USP22: variants seen among roughly 807,000 people sequenced by gnomAD.
The protein encoded by USP22 is ubiquitin carboxyl-terminal hydrolase 22.
Under a neutral mutation model 68.1 loss-of-function variants are expected in USP22, and 22 were observed. The ratio of observed to expected loss-of-function variants is 0.32; its 90% CI spans 0.23 to 0.46. The LOEUF is 0.46. Among genes scored for constraint, USP22 ranks in the 20% least tolerant of loss-of-function variants. The pLI is 1.00. For synonymous variants in USP22, 279 were observed against 274.2 expected, an observed-to-expected ratio of 1.02 and a Z score of -0.17; for missense variants, 433 against 695.8, an observed-to-expected ratio of 0.62 and a Z score of 4.25.
At chr17:21,029,099 A>C (rs1972258003) in intron 1 of USP22, among the ~76,000 whole-genome samples, 1 of 152,220 alleles carries the variant, frequency 6.6e-6, no homozygotes, top group African/African-American at 2.4e-5. Context: ...AACAAGAAAA[A>C]GGGAGGGAGA....
intron 8 of USP22, 81 bp downstream of exon 8, chr17:21,011,043 TGCCCAGGCTCTGTCCTGGGCATGTGAA>T (rs1189613171): frequency 2.1e-6 from 3 of 1,422,966 alleles, no homozygotes; most frequent in African/African-American, 1.5e-5. Flanking sequence ...GCTGCACCTT[TGCCCAGGCTCTGTCCTGGGCATGTGAA>T]AGAGCCCTGC....
chr17:21,011,399 TC>T, intron 7 of USP22, 90 bp from the exon 8 acceptor site: 1 of 1,477,908 alleles, frequency 6.8e-7, no homozygotes, highest in Non-Finnish European at 9.2e-7. Context: ...CCACATCCCT[TC>T]CCCGCTGTGC....
At chr17:21,003,211 T>C in intron 12 of USP22, 138 bp from the exon 13 acceptor site, 1 of 1,005,058 alleles carries the variant, frequency 9.9e-7, no homozygotes, top group African/African-American at 1.6e-5. Flanking sequence ...TTTGGCTTTT[T>C]AGTCCGCAAG....
intron 1 of USP22, among the ~76,000 whole-genome samples, chr17:21,040,901 T>TC (rs10687276): frequency 8.0e-5 from 12 of 150,938 alleles, no homozygotes; most frequent in Admixed American, 5.3e-4. Flanking sequence ...TTTTTTTTTT[T>TC]CCGGAGGGGG....
intron 12 of USP22, among the ~76,000 whole-genome samples, 167 bp downstream of exon 12, chr17:21,004,035 G>A (rs1002158493): frequency 6.6e-6 from 1 of 152,098 alleles, no homozygotes; most frequent in African/African-American, 2.4e-5. Flanking sequence ...TCCCACCTGA[G>A]CACCCATCGA....
Position 21,038,272 on chromosome 17 carries a change from G to A in USP22, c.171+4393C>T, listed in dbSNP as rs188382220. ...TAAATAAATACAATAGCACGTATCA[G>A]GAAAATGAGCTAGACTATGAAAATA... On this transcript the variant is annotated intron_variant, in intron 1 of 12. Transcript: ENST00000261497. 1.9e-4 allele frequency among the ~76,000 whole-genome samples: 29 copies of A among 151,614 alleles called. 1 individual carries two copies. The highest frequency in any genetic ancestry group is 7.0e-4 in the African/African-American group (29 of 41,296).
intron 3 of USP22, among the ~76,000 whole-genome samples, chr17:21,020,244 C>CAAAAAAAAAAAAAAAAAAAAAAAAAAAAA (rs3047597): frequency 1.1e-4 from 8 of 73,284 alleles, no homozygotes; most frequent in Non-Finnish European, 1.3e-4. Flanking sequence ...AATCAAAAAC[C>CAAAAAAAAAAAAAAAAAAAAAAAAAAAAA]AAAAAAAAAA....
chr17:21,038,660 T>G (rs1388775346), intron 1 of USP22, among the ~76,000 whole-genome samples: 5 of 140,684 alleles, frequency 3.6e-5, no homozygotes, highest in African/African-American at 1.5e-4. Context: ...AGACAGACCC[T>G]GTCTCAAAAA....
At chr17:21,039,790 G>A (rs1327001668) in intron 1 of USP22, among the ~76,000 whole-genome samples, 2 of 152,156 alleles carry the variant, frequency 1.3e-5, no homozygotes, top group East Asian at 3.8e-4. Context: ...ACCTTTGTTT[G>A]TTTACAAAGA....
rs1567788635 is a variant in USP22 at position 21,003,001 on chromosome 17, CTTTG to C, written c.*26_*29del. The C allele has an allele frequency of 1.9e-6, 3 of 1,612,810 alleles. No individual in the cohort carries two copies. The highest frequency in any genetic ancestry group is 2.5e-6 in the Non-Finnish European group (3 of 1,179,484). ...TTTGTGAGGCTTGCCAATGCATTGCCTTTGTTTTTCTGACCAGCTGCAGATAAGG... is the reference window on the plus strand; with the variant it reads ...TTTGTGAGGCTTGCCAATGCATTGCCTTTTTCTGACCAGCTGCAGATAAGG... On this transcript the variant is annotated 3_prime_UTR_variant, in exon 13 of 13. Coordinates refer to ENST00000261497, the MANE Select transcript of USP22 (RefSeq NM_015276.2).
chr17:21,038,068 C>T (rs1336899929), intron 1 of USP22, among the ~76,000 whole-genome samples: 4 of 152,100 alleles, frequency 2.6e-5, no homozygotes, highest in African/African-American at 9.7e-5. Flanking sequence ...TTGAAAGATC[C>T]AGTTCACTAT....
chr17:21,015,701 C>A (rs768254268), intron 6 of USP22, 51 bp downstream of exon 6: 2 of 1,558,482 alleles, frequency 1.3e-6, no homozygotes, highest in Non-Finnish European at 1.7e-6. Flanking sequence ...CTTCCTTCCC[C>A]TTCAAGGAAA....
chr17:21,033,894 G>A (rs1287893442), intron 1 of USP22, among the ~76,000 whole-genome samples: 2 of 151,756 alleles, frequency 1.3e-5, no homozygotes, highest in South Asian at 2.1e-4. Context: ...GACTACGGGC[G>A]CGTGCCACCA....
chr17:21,011,159 G>A lies in USP22; in HGVS notation c.1095C>T (p.Cys365=), dbSNP rs953923057. The change falls in exon 8 of 13, where the codon TGC becomes TGT. Residue 365 remains cysteine, a synonymous_variant. Transcript: ENST00000261497. ...HVSGTTTLTD[C]LRRFTRPEHL... is the part of the protein sequence containing the mutation. Reference sequence around the variant, plus strand: ...GGGTGCAGGCCTCTCACCGTCGCAGGCAGTCCGTGAGCGTGGTGGTTCCCG... The same window carrying A: ...GGGTGCAGGCCTCTCACCGTCGCAGACAGTCCGTGAGCGTGGTGGTTCCCG... The A allele has an allele frequency of 2.5e-6, 4 of 1,595,324 alleles. No individual in the cohort carries two copies. The highest frequency in any genetic ancestry group is 2.6e-6 in the Non-Finnish European group (3 of 1,169,432).
chr17:21,003,100 C>T (rs756943680), intron 12 of USP22, 27 bp from the exon 13 acceptor site: 2 of 1,613,440 alleles, frequency 1.2e-6, no homozygotes, highest in South Asian at 2.2e-5. Flanking sequence ...AGGGAGGAGG[C>T]TCACCTCTAA....
At chr17:21,019,890 GAAT>G (rs1315393937) in intron 3 of USP22, among the ~76,000 whole-genome samples, 3 of 152,230 alleles carry the variant, frequency 2.0e-5, no homozygotes, top group Non-Finnish European at 4.4e-5. Context: ...GCTCTGCACA[GAAT>G]AATACACCCA....
chr17:21,023,054 T>C (rs559411968), intron 2 of USP22, among the ~76,000 whole-genome samples: 1 of 152,306 alleles, frequency 6.6e-6, no homozygotes, highest in East Asian at 1.9e-4. Context: ...GAGGTCATTA[T>C]CCTTAGAAAA....
At position 21,008,004 on chromosome 17, in the gene USP22, C is replaced by T. The variant is rs754094029; in HGVS notation, c.1104-8G>A. The stretch of plus-strand genomic sequence containing the variant: ...TGCTCTGGTCTGGTGAATCTACAGG[C>T]GTTCAAAAAAGACAGGAGCGGTAAG... On this transcript the variant is annotated splice_region_variant and splice_polypyrimidine_tract_variant and intron_variant, in intron 8 of 12. Coordinates refer to ENST00000261497, the MANE Select transcript of USP22 (RefSeq NM_015276.2). 36 of 1,610,552 alleles carry T rather than the reference C, an allele frequency of 2.2e-5. No individual in the cohort carries two copies. The African/African-American group carries it at 2.3e-4, about 10-fold the overall frequency.
chr17:21,042,343 G>GTA, intron 1 of USP22: 1 of 182,964 alleles, frequency 5.5e-6, no homozygotes, highest in Admixed American at 6.2e-5. Flanking sequence ...TAAGGGAGGG[G>GTA]GAGGGCGGAG....
Sources: gnomAD v4.1 joint callset for allele counts (sites outside exome capture counted in the v4.1 genomes callset) on GRCh38, gnomAD v4.1.1 for gene constraint, MANE v1.5 for transcripts, NCBI Gene and HGNC (gene_info 2026-07-23, HGNC 2026-07-21) for gene names.